The following FAT3 variants were observed in gnomAD, a reference collection of about 807,000 sequenced individuals.
FAT3 encodes the protein protocadherin Fat 3.
In FAT3, 95 loss-of-function variants were observed where a neutral mutation model predicts 310.2. That is an observed-to-expected ratio of 0.31 (90% CI 0.26 to 0.36). The LOEUF (loss-of-function observed/expected upper bound fraction) is 0.36. Ranked by LOEUF, FAT3 falls within the 10% of genes least tolerant of loss-of-function variation. FAT3 has a pLI of 1.00. For missense variants in FAT3, 5,408 were observed against 5,715.6 expected (o/e 0.95, Z 1.74); for synonymous variants, 2,314 against 2,192.9 (o/e 1.06, Z -1.54).
At chr11:92,271,029 C>A (rs1946110872) in intron 1 of FAT3, among the ~76,000 whole-genome samples, 1 of 151,960 alleles carries the variant, frequency 6.6e-6, no homozygotes, top group Non-Finnish European at 1.5e-5. Context: ...TTATTATAAC[C>A]CCTGTTCAAG....
At chr11:92,823,771 GCCAGTTTTAGTCATCAC>G in intron 13 of FAT3, among the ~76,000 whole-genome samples, 1 of 152,242 alleles carries the variant, frequency 6.6e-6, no homozygotes, top group African/African-American at 2.4e-5. Flanking sequence ...ATGGGAATGT[GCCAGTTTTAGTCATCAC>G]CCAATGAAGA....
At chr11:92,520,550 A>C (rs971213823) in intron 2 of FAT3, among the ~76,000 whole-genome samples, 2 of 152,078 alleles carry the variant, frequency 1.3e-5, no homozygotes, top group African/African-American at 4.8e-5. Flanking sequence ...AGGGCCCTCA[A>C]GATGTGATTT....
rs1951748306 is a variant in FAT3, at chr11:92,465,920, CTAAGAG to C, written c.3293-58710_3293-58705del. Among the ~76,000 whole-genome samples the C allele has an allele frequency of 2.6e-5, 4 of 152,040 alleles. No homozygotes were observed. The South Asian group carries it at 6.2e-4, about 24-fold the overall frequency. ...GAAAAAAAAAGATTGGAGATAATTCCTAAGAGTAAAACATCAACAAAGTCACAGATG... is the reference window on the plus strand; with the variant it reads ...GAAAAAAAAAGATTGGAGATAATTCCTAAAACATCAACAAAGTCACAGATG... On this transcript the variant is annotated intron_variant, in intron 2 of 27. Transcript: ENST00000525166.
intron 22 of FAT3, 110 bp from the exon 23 acceptor site, chr11:92,880,621 C>T: frequency 7.9e-7 from 1 of 1,263,174 alleles, no homozygotes; most frequent in Non-Finnish European, 1.1e-6. Flanking sequence ...AATTTGGGCC[C>T]TTCCTATTAT....
At chr11:92,392,047 G>T (rs1206194947) in intron 2 of FAT3, among the ~76,000 whole-genome samples, 1 of 152,108 alleles carries the variant, frequency 6.6e-6, no homozygotes, top group Non-Finnish European at 1.5e-5. Flanking sequence ...GGTAGAAGCA[G>T]CTATGATTTC....
chr11:92,498,359 G>T lies in FAT3; in HGVS notation c.3293-26275G>T, dbSNP rs576689433. ...GGCAAGCCTTTTCTTTGTCTTTTCCGATGCTGTCTGGAATCTATTTATTGA... is the reference window on the plus strand; with the variant it reads ...GGCAAGCCTTTTCTTTGTCTTTTCCTATGCTGTCTGGAATCTATTTATTGA... On this transcript the variant is annotated intron_variant, in intron 2 of 27. Coordinates refer to ENST00000525166, the MANE Select transcript of FAT3 (RefSeq NM_001367949.2). 124 of 234,192 alleles carry T rather than the reference G, an allele frequency of 5.3e-4. 2 individuals carry two copies. Among genetic ancestry groups the T allele is most frequent in the African/African-American group, 2.7e-3 (117 of 43,622 alleles). 14.5% of individuals were successfully genotyped at this position (234,192 alleles called of 1,614,324 possible).
chr11:92,354,807 A>G lies in FAT3; in HGVS notation c.2695A>G (p.Asn899Asp). The change falls in exon 2 of 28, where the codon AAT becomes GAT. Residue 899 changes from asparagine to aspartate, a missense_variant. By Grantham distance (23) the Asn-to-Asp change is conservative. Coordinates refer to ENST00000525166, the MANE Select transcript of FAT3 (RefSeq NM_001367949.2). ...CCAGTTGGACCGGGAATCCAAAGCC[A>G]ATTATTCTTTGAAAATAGAAGCCAG... Reference protein sequence around the residue: ...ADQLDRESKANYSLKIEARDK... With the variant: ...ADQLDRESKADYSLKIEARDK... 1 of 1,613,912 alleles carries G rather than the reference A, an allele frequency of 6.2e-7. No homozygotes were observed. The highest frequency in any genetic ancestry group is 8.5e-7 in the Non-Finnish European group (1 of 1,179,868).
At chr11:92,618,084 G>T (rs1342968610) in intron 3 of FAT3, among the ~76,000 whole-genome samples, 2 of 152,198 alleles carry the variant, frequency 1.3e-5, no homozygotes, top group Non-Finnish European at 2.9e-5. Flanking sequence ...CCCAGAGGTG[G>T]AGTCTGCAGA....
chr11:92,362,278 T>G (rs1948901639), intron 2 of FAT3, among the ~76,000 whole-genome samples: 1 of 152,226 alleles, frequency 6.6e-6, no homozygotes, highest in South Asian at 2.1e-4. Context: ...GACACATTAA[T>G]TACTGTCAAG....
chr11:92,476,054 A>C (rs1952042936), intron 2 of FAT3, among the ~76,000 whole-genome samples: 1 of 151,936 alleles, frequency 6.6e-6, no homozygotes, highest in Non-Finnish European at 1.5e-5. Context: ...GCTGGCCAGC[A>C]GTGAGTGTGT....
chr11:92,520,251 T>C (rs1953638155), intron 2 of FAT3, among the ~76,000 whole-genome samples: 1 of 152,164 alleles, frequency 6.6e-6, no homozygotes. Context: ...GTACAGACTA[T>C]ATTATTTAAG....
intron 3 of FAT3, among the ~76,000 whole-genome samples, chr11:92,649,901 A>G (rs1160855951): frequency 1.5e-5 from 1 of 65,040 alleles, no homozygotes; most frequent in Non-Finnish European, 3.5e-5. Flanking sequence ...ATATATATAT[A>G]TATATATATA....
chr11:92,336,166 C>T (rs974580875), intron 1 of FAT3: 7 of 559,280 alleles, frequency 1.3e-5, no homozygotes, highest in African/African-American at 3.8e-5. Context: ...ATCCTGTAAT[C>T]AGGCAGATAG....
In FAT3 at chr11:92,866,707, T is replaced by C. The variant is rs775557491; in HGVS notation, c.11659-34T>C. ...TAGGGAACATATTCCCAGTTGCATG[T>C]TGAAAAGTGCTGCACTGTTCCTTCC... is the stretch of plus-strand genomic sequence containing the variant. On this transcript the variant is annotated intron_variant, in intron 21 of 27. Transcript: ENST00000525166. 1.3e-5 allele frequency: 20 copies of C among 1,575,966 alleles called. No individual in the cohort carries two copies. In the African/African-American group the frequency reaches 1.7e-4, roughly 14 times the overall value.
chr11:92,509,978 G>C (rs1452858202), intron 2 of FAT3, among the ~76,000 whole-genome samples: 1 of 152,052 alleles, frequency 6.6e-6, no homozygotes, highest in Non-Finnish European at 1.5e-5. Context: ...AGTTTCTGCT[G>C]TTCAAAAGAT....
intron 3 of FAT3, among the ~76,000 whole-genome samples, chr11:92,689,602 A>T (rs2135883992): frequency 6.6e-6 from 1 of 152,292 alleles, no homozygotes; most frequent in South Asian, 2.1e-4. Context: ...GGCTCTGTGC[A>T]GTTGGGAGGA....
intron 9 of FAT3, among the ~76,000 whole-genome samples, chr11:92,795,419 C>CA (rs544617562): frequency 1.9e-3 from 286 of 151,668 alleles, no homozygotes; most frequent in East Asian, 9.1e-3. Flanking sequence ...CCATAGATTC[C>CA]AAAAAACAAA....
intron 7 of FAT3, among the ~76,000 whole-genome samples, chr11:92,783,242 C>T (rs1289272312): frequency 6.6e-6 from 1 of 151,456 alleles, no homozygotes; most frequent in Admixed American, 6.6e-5. Context: ...CCTGTAGTGC[C>T]AGCTACTTGG....
rs1565248025 is a variant in FAT3, at chr11:92,352,475, C to T, written c.363C>T (p.Ile121=). The T allele has an allele frequency of 1.2e-6, 2 of 1,612,540 alleles. No homozygotes were observed. Among genetic ancestry groups the T allele is most frequent in the Non-Finnish European group, 8.5e-7 (1 of 1,179,618 alleles). The change falls in exon 2 of 28, where the codon ATC becomes ATT. Residue 121 remains isoleucine (I), a synonymous_variant. Transcript: ENST00000525166. ...GGNSAILNRE[I]QDNYLLIVKG... is the part of the protein sequence containing the mutation. ...ATTCTGCCATATTAAATAGGGAAAT[C>T]CAGGATAATTATTTATTGATAGTAA...
Sources: allele counts gnomAD v4.1 joint callset (sites outside exome capture counted in the v4.1 genomes callset), GRCh38; gene constraint gnomAD v4.1.1; transcripts MANE v1.5; gene names NCBI Gene and HGNC (gene_info 2026-07-23, HGNC 2026-07-21).